TRPC5: variants seen among roughly 807,000 people sequenced by gnomAD.
TRPC5 encodes the protein short transient receptor potential channel 5.
A neutral mutation model predicts 56.5 loss-of-function variants in TRPC5; 9 were observed. The ratio of observed to expected loss-of-function variants is 0.16; its 90% CI spans 0.10 to 0.28. TRPC5 has a LOEUF of 0.28. TRPC5 is among the 10% of genes least tolerant of loss of function. The probability of loss-of-function intolerance (pLI) is 1.00; values close to 1 mark genes in which losing one functional copy is unlikely to be tolerated. For missense variants in TRPC5, 469 were observed against 748.9 expected (o/e 0.63, Z 4.36); for synonymous variants, 282 against 278.5 (o/e 1.01, Z -0.13).
chrX:111,803,459 T>C (rs1188535901), intron 7 of TRPC5, among the ~76,000 whole-genome samples: 2 of 112,173 alleles, frequency 1.8e-5, no homozygotes, highest in Non-Finnish European at 3.8e-5. Context: ...TGAACTAATT[T>C]ACACTCCAAT....
At chrX:111,948,535 C>A (rs1461945077) in intron 2 of TRPC5, among the ~76,000 whole-genome samples, 1 of 110,300 alleles carries the variant, frequency 9.1e-6, no homozygotes, top group African/African-American at 3.3e-5. Context: ...AGTTCGAGAC[C>A]AGCCTGGGCA....
At chrX:112,039,223 A>C (rs773047360) in intron 1 of TRPC5, among the ~76,000 whole-genome samples, 3 of 111,974 alleles carry the variant, frequency 2.7e-5, no homozygotes, top group Non-Finnish European at 5.6e-5. Flanking sequence ...CTGTTCTAAA[A>C]TGATACTTTT....
chrX:111,973,554 T>C (rs1223211263), intron 1 of TRPC5, among the ~76,000 whole-genome samples: 1 of 111,664 alleles, frequency 9.0e-6, no homozygotes, highest in African/African-American at 3.3e-5. Flanking sequence ...CCTAGGTGGA[T>C]GAATTCTTCT....
rs191044676 is a variant in TRPC5 at position 112,075,999 on chromosome X, C to T, written c.-22+5880G>A. Among the ~76,000 whole-genome samples the T allele has an allele frequency of 5.4e-3, 604 of 111,727 alleles. 5 individuals carry two copies. The highest frequency in any genetic ancestry group is 0.019 in the African/African-American group (571 of 30,745). ...AGACTTCAGAACTACAGAACTATAA[C>T]GATAATAAATTTGTGTTGTTTTAAA... On this transcript the variant is annotated intron_variant, in intron 1 of 10. Coordinates refer to ENST00000262839, the MANE Select transcript of TRPC5 (RefSeq NM_012471.3).
intron 2 of TRPC5, among the ~76,000 whole-genome samples, chrX:111,919,660 A>C (rs1926074939): frequency 8.9e-6 from 1 of 112,146 alleles, no homozygotes; most frequent in African/African-American, 3.2e-5. Flanking sequence ...ATAAGGATTA[A>C]ATGAGATTGT....
chrX:111,900,615 G>C (rs187265744), intron 3 of TRPC5, among the ~76,000 whole-genome samples: 6 of 111,323 alleles, frequency 5.4e-5, no homozygotes, highest in Admixed American at 1.9e-4. Context: ...CTGAAGCTTC[G>C]GGGACTTTAA....
At chrX:111,977,619 A>G (rs934470844) in intron 1 of TRPC5, among the ~76,000 whole-genome samples, 22 of 111,994 alleles carry the variant, frequency 2.0e-4, no homozygotes, top group African/African-American at 7.1e-4. Context: ...GACAAGAGTT[A>G]TTACACCAAC....
intron 3 of TRPC5, among the ~76,000 whole-genome samples, chrX:111,904,878 C>G (rs1306475526): frequency 9.0e-6 from 1 of 111,298 alleles, no homozygotes; most frequent in African/African-American, 3.3e-5. Context: ...TAGTTTTACA[C>G]CTGTTTTCTA....
chrX:111,948,184 T>G lies in TRPC5; in HGVS notation c.378+3859A>C, dbSNP rs760016180. Reference sequence around the variant, plus strand: ...AGGTATTCCAATTTTGATGATTTAGTTTTTTTTTGTCCCTACTATGTGCAG... The same window carrying G: ...AGGTATTCCAATTTTGATGATTTAGGTTTTTTTTGTCCCTACTATGTGCAG... On this transcript the variant is annotated intron_variant, in intron 2 of 10. Coordinates refer to ENST00000262839, the MANE Select transcript of TRPC5 (RefSeq NM_012471.3). 1.5e-3 allele frequency among the ~76,000 whole-genome samples: 165 copies of G among 109,834 alleles called. 1 individual carries two copies. The highest frequency in any genetic ancestry group is 9.9e-4 in the Non-Finnish European group (52 of 52,604).
intron 6 of TRPC5, among the ~76,000 whole-genome samples, chrX:111,836,775 G>A (rs1007953897): frequency 8.9e-6 from 1 of 112,502 alleles, no homozygotes; most frequent in African/African-American, 3.2e-5. Context: ...ATTTATTGAA[G>A]AAATGAATGA....
chrX:111,793,497 A>C (rs1946038493), intron 7 of TRPC5, among the ~76,000 whole-genome samples: 1 of 112,044 alleles, frequency 8.9e-6, no homozygotes, highest in Non-Finnish European at 1.9e-5. Flanking sequence ...AACCACAATG[A>C]GATACCACCT....
At chrX:111,801,167 G>A (rs1363655316) in intron 7 of TRPC5, among the ~76,000 whole-genome samples, 2 of 111,859 alleles carry the variant, frequency 1.8e-5, no homozygotes, top group Non-Finnish European at 3.8e-5. Context: ...CCTTGTGTGT[G>A]TATTCTTACA....
chrX:111,837,933 A>G (rs1163162552), intron 6 of TRPC5, among the ~76,000 whole-genome samples: 4 of 103,459 alleles, frequency 3.9e-5, no homozygotes, highest in Middle Eastern at 9.8e-3. Flanking sequence ...AAAGCCAGGT[A>G]TGGTGGCATG....
chrX:112,061,136 TAA>T (rs2147739647), intron 1 of TRPC5, among the ~76,000 whole-genome samples: 1 of 112,638 alleles, frequency 8.9e-6, no homozygotes, highest in Non-Finnish European at 1.9e-5. Flanking sequence ...AACTGTTTAT[TAA>T]TTAAACATAC....
intron 7 of TRPC5, among the ~76,000 whole-genome samples, chrX:111,833,877 G>T (rs1357363308): frequency 9.0e-6 from 1 of 111,417 alleles, no homozygotes; most frequent in Non-Finnish European, 1.9e-5. Flanking sequence ...ATAGCATCTA[G>T]AAAGGAAAAC....
chrX:111,873,243 G>A (rs894174734), intron 3 of TRPC5, among the ~76,000 whole-genome samples: 1 of 111,831 alleles, frequency 8.9e-6, no homozygotes, highest in East Asian at 2.8e-4. Flanking sequence ...GCAAACTAAC[G>A]CAGGAACAGA....
chrX:111,804,352 A>G (rs1355481718), intron 7 of TRPC5, among the ~76,000 whole-genome samples: 1 of 111,854 alleles, frequency 8.9e-6, no homozygotes, highest in Non-Finnish European at 1.9e-5. Context: ...TTGGTTCCAT[A>G]TGAACTTTAA....
chrX:111,879,216 A>G (rs1405963526), intron 3 of TRPC5, among the ~76,000 whole-genome samples: 1 of 112,102 alleles, frequency 8.9e-6, no homozygotes, highest in Non-Finnish European at 1.9e-5. Flanking sequence ...GACATCAGAA[A>G]AAGAGAGGGT....
intron 1 of TRPC5, among the ~76,000 whole-genome samples, chrX:112,031,971 G>A (rs1161428122): frequency 9.1e-6 from 1 of 109,981 alleles, no homozygotes; most frequent in Non-Finnish European, 1.9e-5. Flanking sequence ...TGCAGAATAA[G>A]AGAATGCATT....
Sources: gnomAD v4.1 joint callset for allele counts (sites outside exome capture counted in the v4.1 genomes callset) on GRCh38, gnomAD v4.1.1 for gene constraint, MANE v1.5 for transcripts, NCBI Gene and HGNC (gene_info 2026-07-23, HGNC 2026-07-21) for gene names.